EYS: variants seen among roughly 807,000 people sequenced by gnomAD.
EYS encodes EGF-like photoreceptor maintenance factor.
EYS carries 250 observed loss-of-function variants against 282.1 expected under a neutral mutation model. The ratio of observed to expected loss-of-function variants is 0.89; its 90% CI spans 0.80 to 0.98. EYS has a LOEUF of 0.98. Among genes scored for constraint, EYS ranks in the 50% least tolerant of loss-of-function variants. EYS has a pLI of 0.00. For synonymous variants in EYS, 1,355 were observed against 1,282.9 expected, an observed-to-expected ratio of 1.06 and a Z score of -1.20; for missense variants, 4,016 against 3,709.0, an observed-to-expected ratio of 1.08 and a Z score of -2.15.
At chr6:64,424,246 A>G (rs1774329359) in intron 28 of EYS, among the ~76,000 whole-genome samples, 1 of 152,232 alleles carries the variant, frequency 6.6e-6, no homozygotes, top group African/African-American at 2.4e-5. Context: ...TAAAATATGC[A>G]CACAGATATA....
intron 30 of EYS, among the ~76,000 whole-genome samples, chr6:64,306,063 A>G (rs918337105): frequency 5.3e-5 from 8 of 152,148 alleles, no homozygotes; most frequent in African/African-American, 1.9e-4. Flanking sequence ...AATGGACAAA[A>G]AATCAAATAG....
intron 23 of EYS, among the ~76,000 whole-genome samples, chr6:64,618,394 C>G (rs567988474): frequency 3.3e-5 from 5 of 152,240 alleles, no homozygotes; most frequent in Middle Eastern, 6.8e-3. Context: ...CACATAGGGA[C>G]AATGGGTCTT....
intron 5 of EYS, among the ~76,000 whole-genome samples, chr6:65,478,290 A>G (rs1252184423): frequency 1.3e-5 from 2 of 152,186 alleles, no homozygotes; most frequent in East Asian, 1.9e-4. Context: ...TTAAGAAAAT[A>G]TTGAAAAATG....
intron 12 of EYS, among the ~76,000 whole-genome samples, chr6:65,284,847 G>A (rs1030693899): frequency 1.3e-5 from 2 of 151,986 alleles, no homozygotes; most frequent in African/African-American, 2.4e-5. Context: ...AATAAGCTTA[G>A]ATCATCCTAT....
At chr6:64,812,882 T>C (rs535241889) in intron 22 of EYS, among the ~76,000 whole-genome samples, 6 of 152,056 alleles carry the variant, frequency 3.9e-5, no homozygotes, top group Admixed American at 6.6e-5. Flanking sequence ...TCTCCTAAAA[T>C]GTTTAAAACT....
At chr6:64,537,313 C>T (rs867078287) in intron 26 of EYS, among the ~76,000 whole-genome samples, 27 of 150,926 alleles carry the variant, frequency 1.8e-4, no homozygotes, top group Middle Eastern at 3.4e-3. Context: ...CAATTTCATC[C>T]ATGTCCCTAC....
At chr6:65,641,144 A>T (rs775709716) in intron 1 of EYS, among the ~76,000 whole-genome samples, 3 of 152,220 alleles carry the variant, frequency 2.0e-5, no homozygotes, top group Non-Finnish European at 4.4e-5. Context: ...GCCAAAATAG[A>T]AGTTGGTACA....
chr6:63,753,140 G>GTGTATA (rs1490714920), intron 41 of EYS, among the ~76,000 whole-genome samples: 3 of 136,036 alleles, frequency 2.2e-5, no homozygotes, highest in Non-Finnish European at 3.1e-5. Context: ...GTGTGTGTGT[G>GTGTATA]TATATATATA....
At chr6:65,359,307 T>C (rs1764610047) in intron 8 of EYS, among the ~76,000 whole-genome samples, 1 of 152,070 alleles carries the variant, frequency 6.6e-6, no homozygotes, top group Non-Finnish European at 1.5e-5. Flanking sequence ...AAATACATAT[T>C]CATAACAATT....
At chr6:65,345,819 A>G (rs1770371944) in intron 9 of EYS, among the ~76,000 whole-genome samples, 1 of 151,764 alleles carries the variant, frequency 6.6e-6, no homozygotes, top group Admixed American at 6.6e-5. Context: ...AAAAAAAATG[A>G]TACACTGACT....
At chr6:64,648,740 A>G (rs1420911361) in intron 22 of EYS, among the ~76,000 whole-genome samples, 2 of 152,216 alleles carry the variant, frequency 1.3e-5, no homozygotes, top group African/African-American at 4.8e-5. Flanking sequence ...ACTACTAACT[A>G]TAATTTAGGA....
At chr6:64,136,141 T>TA (rs79149461) in intron 31 of EYS, among the ~76,000 whole-genome samples, 1,537 of 131,194 alleles carry the variant, frequency 0.012, 12 homozygotes, top group Middle Eastern at 0.042. Context: ...AGATTCTTTC[T>TA]AAAAAAAAAA....
At chr6:64,126,861 A>G (rs1408346678) in intron 31 of EYS, among the ~76,000 whole-genome samples, 1 of 151,964 alleles carries the variant, frequency 6.6e-6, no homozygotes, top group African/African-American at 2.4e-5. Flanking sequence ...ATATCTATAT[A>G]CATACATATA....
rs192181164 is a variant in EYS, at chr6:65,191,947, A to T, written c.2023+103916T>A. Among the ~76,000 whole-genome samples, 501 of 133,630 alleles carry T rather than the reference A, an allele frequency of 3.7e-3. 3 individuals are homozygous for T. Among genetic ancestry groups the T allele is most frequent in the African/African-American group, 0.013 (467 of 35,126 alleles). 87.7% of individuals were successfully genotyped at this position (133,630 alleles called of 152,430 possible). A position where few individuals can be genotyped will look rare whatever the true frequency, so the allele number is the denominator to read the frequency against. On this transcript the variant is annotated intron_variant, in intron 12 of 42. Transcript: ENST00000503581. ...AGGGTAATGCATTGTATTCATTTGT[A>T]CTTTTTTTTTTTTCAAATTTTAAAG...
intron 2 of EYS, among the ~76,000 whole-genome samples, chr6:65,591,808 C>CTT (rs770744711): frequency 6.6e-6 from 1 of 151,882 alleles, no homozygotes; most frequent in Non-Finnish European, 1.5e-5. Context: ...AATTTGCATT[C>CTT]TTAACTCTTT....
chr6:63,846,955 A>T (rs1425961468), intron 36 of EYS, among the ~76,000 whole-genome samples: 1 of 152,160 alleles, frequency 6.6e-6, no homozygotes, highest in African/African-American at 2.4e-5. Flanking sequence ...AATTCTAGAA[A>T]TAAATGTGAA....
intron 12 of EYS, among the ~76,000 whole-genome samples, chr6:65,125,731 A>G (rs1398346892): frequency 6.6e-6 from 1 of 152,134 alleles, no homozygotes; most frequent in African/African-American, 2.4e-5. Context: ...GGCACAGGTC[A>G]GAAGCTCAAA....
chr6:64,842,224 T>A (rs1192919217), intron 19 of EYS, among the ~76,000 whole-genome samples: 1 of 151,538 alleles, frequency 6.6e-6, no homozygotes, highest in Non-Finnish European at 1.5e-5. Context: ...CAACTTTTCC[T>A]GGTCTGGGCC....
chr6:64,213,676 T>G (rs1405407627), intron 31 of EYS, among the ~76,000 whole-genome samples: 2 of 152,190 alleles, frequency 1.3e-5, no homozygotes, highest in Admixed American at 1.3e-4. Context: ...AGCATTAATG[T>G]GACATGTTAA....
Sources: allele counts gnomAD v4.1 joint callset (sites outside exome capture counted in the v4.1 genomes callset), GRCh38; gene constraint gnomAD v4.1.1; transcripts MANE v1.5; gene names NCBI Gene and HGNC (gene_info 2026-07-23, HGNC 2026-07-21).